Variants in KALRN observed in about 807,000 individuals in gnomAD.
KALRN encodes the protein kalirin.
KALRN carries 70 observed loss-of-function variants against 353.7 expected under a neutral mutation model. The observed-to-expected ratio is 0.20, with a 90% CI of 0.16 to 0.24. The LOEUF (loss-of-function observed/expected upper bound fraction) is 0.24, where lower values mean the gene tolerates loss of function less well. Among genes scored for constraint, KALRN ranks in the 10% least tolerant of loss-of-function variants. The pLI, the probability that KALRN is intolerant of heterozygous loss-of-function variation, is 1.00. For synonymous variants in KALRN, 1,391 were observed against 1,434.8 expected, an observed-to-expected ratio of 0.97 and a Z score of 0.69; for missense variants, 2,791 against 3,756.7, an observed-to-expected ratio of 0.74 and a Z score of 6.72.
chr3:124,192,812 C>G (rs991237558), intron 1 of KALRN, among the ~76,000 whole-genome samples: 1 of 152,184 alleles, frequency 6.6e-6, no homozygotes, highest in Admixed American at 6.5e-5. Flanking sequence ...CTGCTGACAC[C>G]TTTTAATCTT....
intron 34 of KALRN, among the ~76,000 whole-genome samples, chr3:124,627,768 C>T (rs553386006): frequency 3.9e-4 from 60 of 152,250 alleles, no homozygotes; most frequent in Admixed American, 9.8e-4. Flanking sequence ...TTGACCCATA[C>T]CAAACACTTC....
intron 5 of KALRN, among the ~76,000 whole-genome samples, chr3:124,286,896 A>G (rs2075963772): frequency 6.6e-6 from 1 of 152,174 alleles, no homozygotes; most frequent in Non-Finnish European, 1.5e-5. Flanking sequence ...TTTACATTGT[A>G]TAGTGGATAT....
intron 1 of KALRN, among the ~76,000 whole-genome samples, chr3:124,103,855 C>G (rs2062067771): frequency 6.6e-6 from 1 of 152,110 alleles, no homozygotes; most frequent in Non-Finnish European, 1.5e-5. Context: ...ACTCAGGAGG[C>G]TGAGGCAGGA....
At chr3:124,222,519 G>A (rs1465635036) in intron 1 of KALRN, among the ~76,000 whole-genome samples, 1 of 152,158 alleles carries the variant, frequency 6.6e-6, no homozygotes, top group Non-Finnish European at 1.5e-5. Flanking sequence ...TGCCTCTGAG[G>A]CAACTCTGGA....
At chr3:124,438,356 C>T (rs2093551414) in intron 17 of KALRN, among the ~76,000 whole-genome samples, 1 of 152,148 alleles carries the variant, frequency 6.6e-6, no homozygotes, top group African/African-American at 2.4e-5. Context: ...CTGGAGATGT[C>T]ATGTCCTATG....
intron 14 of KALRN, among the ~76,000 whole-genome samples, chr3:124,420,157 A>G (rs1243517559): frequency 6.6e-6 from 1 of 152,234 alleles, no homozygotes; most frequent in Admixed American, 6.5e-5. Context: ...TTTTTCTCAC[A>G]TAAAACAACA....
intron 1 of KALRN, among the ~76,000 whole-genome samples, chr3:124,070,839 C>T (rs2059982606): frequency 6.6e-6 from 1 of 152,286 alleles, no homozygotes; most frequent in East Asian, 1.9e-4. Flanking sequence ...TGGGCCTGTC[C>T]CTTCTCCTTT....
At chr3:124,678,049 C>G (rs2087388432) in intron 49 of KALRN, 141 bp from the exon 50 acceptor site, 1 of 815,178 alleles carries the variant, frequency 1.2e-6, no homozygotes, top group African/African-American at 1.7e-5. Context: ...ACCCTTGGAG[C>G]TGGTGTGCAG....
chr3:124,092,545 A>C (rs530918865), intron 1 of KALRN, among the ~76,000 whole-genome samples: 124 of 152,308 alleles, frequency 8.1e-4, no homozygotes, highest in African/African-American at 2.7e-3. Flanking sequence ...GCATGTCAGC[A>C]CTGCCCTGGA....
At chr3:124,352,462 C>T (rs1400657579) in intron 10 of KALRN, among the ~76,000 whole-genome samples, 6 of 152,098 alleles carry the variant, frequency 3.9e-5, no homozygotes, top group African/African-American at 1.2e-4. Flanking sequence ...AATTAGCAAG[C>T]GTTTATGTTC....
intron 33 of KALRN, among the ~76,000 whole-genome samples, chr3:124,545,810 A>G (rs1338049534): frequency 6.6e-6 from 1 of 152,184 alleles, no homozygotes; most frequent in Non-Finnish European, 1.5e-5. Context: ...TGTCCTAGAG[A>G]GCCCAGACCT....
chr3:124,655,241 G>A lies in KALRN; in HGVS notation c.5796-360G>A, dbSNP rs554814593. On this transcript the variant is annotated intron_variant, in intron 38 of 59. Transcript: ENST00000682506. ...CCCCTGCCCAGCCTCAAAGCTTTCA[G>A]AACGCAGTTTTGCCAAAATGGTTGT... Among the ~76,000 whole-genome samples, 4 of 152,336 alleles carry A rather than the reference G, an allele frequency of 2.6e-5. No individual in the cohort carries two copies. The East Asian group carries it at 7.7e-4, about 29-fold the overall frequency.
intron 49 of KALRN, chr3:124,675,451 T>G (rs543178593): frequency 6.6e-6 from 1 of 152,130 alleles, no homozygotes; most frequent in East Asian, 1.9e-4. Context: ...TGACCCTTTT[T>G]CCCCTGTTTC....
intron 3 of KALRN, among the ~76,000 whole-genome samples, chr3:124,248,162 G>C (rs1468121046): frequency 6.6e-6 from 1 of 152,234 alleles, no homozygotes; most frequent in Non-Finnish European, 1.5e-5. Flanking sequence ...GGTTGGTTTT[G>C]TTTCTTGCCC....
At chr3:124,648,605 AT>A (rs1400356111) in intron 37 of KALRN, among the ~76,000 whole-genome samples, 8 of 152,216 alleles carry the variant, frequency 5.3e-5, no homozygotes, top group Admixed American at 5.2e-4. Flanking sequence ...GCAGCATCTA[AT>A]GGTCAAGCGA....
chr3:124,638,757 TG>T (rs3836301), intron 37 of KALRN, among the ~76,000 whole-genome samples: 43,834 of 150,050 alleles, frequency 0.29, 6,524 homozygotes, highest in East Asian at 0.44. Flanking sequence ...TGGTCTCCAA[TG>T]GGGGGGTGCC....
In KALRN at chr3:124,430,742, G is replaced by T; in HGVS notation, c.2796G>T (p.Gln932His). Residue 932 changes from glutamine (Q) to histidine (H), a missense_variant, in exon 16 of 60, where the codon CAG (glutamine) becomes CAT (histidine). Gln to His is a conservative substitution (Grantham distance 24, BLOSUM62 0). Coordinates refer to ENST00000682506, the MANE Select transcript of KALRN (RefSeq NM_001388419.1). ...CTTTGTCGGAAGCAGAGCAGCTGCA[G>T]CGGGAGCACGAGCAGTTCCAACTGG... ...ASSLSEAEQL[Q>H]REHEQFQLAI... The T allele has an allele frequency of 2.5e-6, 4 of 1,614,142 alleles. No individual in the cohort carries two copies. Among genetic ancestry groups the T allele is most frequent in the Non-Finnish European group, 3.4e-6 (4 of 1,179,990 alleles).
chr3:124,487,395 A>G (rs1380280642), intron 28 of KALRN, among the ~76,000 whole-genome samples: 2 of 152,198 alleles, frequency 1.3e-5, no homozygotes, highest in African/African-American at 4.8e-5. Flanking sequence ...TAAAAGAAAG[A>G]GGGTATTGCC....
At chr3:124,702,230 A>G in intron 57 of KALRN, 114 bp downstream of exon 57, 1 of 605,304 alleles carries the variant, frequency 1.7e-6, no homozygotes, top group Non-Finnish European at 2.8e-6. Flanking sequence ...AATTCTCTCC[A>G]TAGCAAGAAA....
Sources: gnomAD v4.1 joint callset for allele counts (sites outside exome capture counted in the v4.1 genomes callset) on GRCh38, gnomAD v4.1.1 for gene constraint, MANE v1.5 for transcripts, NCBI Gene and HGNC (gene_info 2026-07-23, HGNC 2026-07-21) for gene names.